CMC1: variants seen among roughly 807,000 people sequenced by gnomAD.
CMC1 encodes C-X9-C motif containing 1, also known as COX assembly mitochondrial protein homolog.
CMC1 carries 14 observed loss-of-function variants against 14.1 expected under a neutral mutation model. The observed-to-expected ratio is 0.99, with a 90% CI of 0.66 to 1.55. CMC1 has a LOEUF of 1.55. CMC1 is among the 40% of genes most tolerant of loss of function. The probability of loss-of-function intolerance (pLI) is 0.00; values close to 1 mark genes in which losing one functional copy is unlikely to be tolerated. For synonymous variants in CMC1, 50 were observed against 38.4 expected (o/e 1.30, Z -1.12); for missense variants, 127 against 123.8 (o/e 1.03, Z -0.12).
At position 28,283,669 on chromosome 3, in the gene CMC1, T is replaced by A. The variant is rs185321623; in HGVS notation, c.109+20289T>A. The stretch of plus-strand genomic sequence containing the variant: ...TCCTTGAGCATTTTATGTGGTGATT[T>A]CATTTCCATTCTAACTGACTGTTCC... On this transcript the variant is annotated intron_variant, in intron 2 of 3. Coordinates refer to ENST00000466830, the MANE Select transcript of CMC1 (RefSeq NM_182523.2). Among the ~76,000 whole-genome samples the A allele has an allele frequency of 1.9e-4, 29 of 152,354 alleles. 1 individual carries two copies. The East Asian group carries it at 5.6e-3, about 29-fold the overall frequency.
At chr3:28,273,087 A>G (rs1463852640) in intron 2 of CMC1, among the ~76,000 whole-genome samples, 1 of 152,216 alleles carries the variant, frequency 6.6e-6, no homozygotes, top group African/African-American at 2.4e-5. Context: ...GAATAGTTTC[A>G]GAAGAAATGG....
intron 2 of CMC1, among the ~76,000 whole-genome samples, chr3:28,289,812 A>C (rs1701376412): frequency 6.6e-6 from 1 of 152,172 alleles, no homozygotes; most frequent in Non-Finnish European, 1.5e-5. Context: ...TAAGTAATGT[A>C]GAAAATATAA....
intron 2 of CMC1, among the ~76,000 whole-genome samples, chr3:28,269,257 G>C (rs1268261972): frequency 1.3e-5 from 2 of 152,104 alleles, no homozygotes; most frequent in Admixed American, 1.3e-4. Context: ...TGATCCAGTG[G>C]TTCTCAATTG....
intron 1 of CMC1, among the ~76,000 whole-genome samples, chr3:28,246,238 T>C: frequency 6.6e-6 from 1 of 151,948 alleles, no homozygotes; most frequent in East Asian, 1.9e-4. Context: ...ATTAAAAGCA[T>C]ATTTGCCATA....
chr3:28,266,737 G>A (rs1336089053), intron 2 of CMC1, among the ~76,000 whole-genome samples: 2 of 151,982 alleles, frequency 1.3e-5, no homozygotes, highest in Admixed American at 1.3e-4. Flanking sequence ...TGCTATTGGG[G>A]AAACTTTGAC....
At chr3:28,286,081 T>TA (rs1175911536) in intron 2 of CMC1, among the ~76,000 whole-genome samples, 1 of 152,180 alleles carries the variant, frequency 6.6e-6, no homozygotes, top group African/African-American at 2.4e-5. Flanking sequence ...TCTTTTATGC[T>TA]ACCTTTTTTG....
chr3:28,307,814 C>T (rs909609261), intron 2 of CMC1, among the ~76,000 whole-genome samples: 5 of 152,224 alleles, frequency 3.3e-5, no homozygotes, highest in Non-Finnish European at 7.4e-5. Context: ...TATCATAGTT[C>T]CGTAGTTCTC....
chr3:28,286,073 T>A (rs975931668), intron 2 of CMC1, among the ~76,000 whole-genome samples: 1 of 152,178 alleles, frequency 6.6e-6, no homozygotes, highest in Non-Finnish European at 1.5e-5. Flanking sequence ...CAGCATTTTC[T>A]TTTATGCTAC....
intron 2 of CMC1, among the ~76,000 whole-genome samples, chr3:28,284,947 T>C (rs1231349699): frequency 1.3e-5 from 2 of 152,206 alleles, no homozygotes; most frequent in Non-Finnish European, 2.9e-5. Context: ...CTGCTTCCTT[T>C]ACTAACCCTG....
intron 2 of CMC1, among the ~76,000 whole-genome samples, chr3:28,280,057 C>T (rs1271395152): frequency 2.0e-5 from 3 of 152,134 alleles, no homozygotes; most frequent in Admixed American, 6.5e-5. Flanking sequence ...TGTACTTGTA[C>T]AATGGGCAAT....
At chr3:28,288,272 TTACC>T (rs1188202488) in intron 2 of CMC1, among the ~76,000 whole-genome samples, 8 of 152,224 alleles carry the variant, frequency 5.3e-5, no homozygotes, top group Non-Finnish European at 8.8e-5. Flanking sequence ...TGAAGTGAGT[TTACC>T]TTTATCATAA....
chr3:28,324,629 T>A lies in CMC1; in HGVS notation c.*5000T>A. 8.0e-6 allele frequency: 4 copies of A among 500,218 alleles called. No homozygotes were observed. The highest frequency in any genetic ancestry group is 1.3e-5 in the Non-Finnish European group (4 of 310,952). 31.0% of individuals were successfully genotyped at this position (500,218 alleles called of 1,614,324 possible). On this transcript the variant is annotated 3_prime_UTR_variant, in exon 4 of 4. Coordinates refer to ENST00000466830, the MANE Select transcript of CMC1 (RefSeq NM_182523.2). The stretch of plus-strand genomic sequence containing the variant: ...AAATGACAGATGATCTGAGTTTTAA[T>A]CCTGGATCAGCAATTTACTGTGACT...
At chr3:28,292,555 T>A (rs748194024) in intron 2 of CMC1, among the ~76,000 whole-genome samples, 1 of 152,200 alleles carries the variant, frequency 6.6e-6, no homozygotes, top group Admixed American at 6.6e-5. Flanking sequence ...TTCAGCTTAC[T>A]TTAGTGATGA....
At chr3:28,308,977 G>A (rs1164896469) in intron 2 of CMC1, among the ~76,000 whole-genome samples, 22 of 20,300 alleles carry the variant, frequency 1.1e-3, no homozygotes, top group South Asian at 3.4e-3. Flanking sequence ...GCGAGACTCC[G>A]TCTCAAAAAA....
chr3:28,291,142 C>T (rs1701450449), intron 2 of CMC1, among the ~76,000 whole-genome samples: 1 of 152,134 alleles, frequency 6.6e-6, no homozygotes, highest in South Asian at 2.1e-4. Flanking sequence ...GTAAGACATG[C>T]CACAGTCTTT....
intron 2 of CMC1, chr3:28,298,170 A>G (rs1159037806): frequency 6.6e-6 from 1 of 151,258 alleles, no homozygotes; most frequent in African/African-American, 2.4e-5. Context: ...CTTGGAGAGT[A>G]TCAGATCTGT....
chr3:28,262,491 G>A (rs1699782838), intron 1 of CMC1, among the ~76,000 whole-genome samples: 1 of 152,016 alleles, frequency 6.6e-6, no homozygotes, highest in Non-Finnish European at 1.5e-5. Context: ...ATTAATAACT[G>A]TTTAGTTTCC....
At chr3:28,251,876 T>C (rs539520911) in intron 1 of CMC1, among the ~76,000 whole-genome samples, 5 of 152,202 alleles carry the variant, frequency 3.3e-5, no homozygotes, top group South Asian at 2.1e-4. Flanking sequence ...ACAGGTATGC[T>C]GTCATTTATT....
intron 1 of CMC1, among the ~76,000 whole-genome samples, chr3:28,257,597 C>T (rs1699480857): frequency 6.6e-6 from 1 of 152,140 alleles, no homozygotes; most frequent in African/African-American, 2.4e-5. Flanking sequence ...TGGCTGACTG[C>T]AACCTCCGCC....
Sources: gnomAD v4.1 joint callset for allele counts (sites outside exome capture counted in the v4.1 genomes callset) on GRCh38, gnomAD v4.1.1 for gene constraint, MANE v1.5 for transcripts, NCBI Gene and HGNC (gene_info 2026-07-23, HGNC 2026-07-21) for gene names.